The following EPHA6 variants were observed in gnomAD, a reference collection of about 807,000 sequenced individuals.
EPHA6 encodes the protein EPH receptor A6, also known as ephrin type-A receptor 6.
EPHA6 carries 50 observed loss-of-function variants against 112.0 expected under a neutral mutation model. The ratio of observed to expected loss-of-function variants is 0.45; its 90% CI spans 0.36 to 0.56. EPHA6 has a LOEUF of 0.56. Among genes scored for constraint, EPHA6 ranks in the 20% least tolerant of loss-of-function variants. EPHA6 has a pLI of 0.00. For missense variants in EPHA6, 1,280 were observed against 1,417.4 expected (o/e 0.90, Z 1.56); for synonymous variants, 529 against 490.7 (o/e 1.08, Z -1.03).
At chr3:97,653,198 A>T (rs2094118110) in intron 14 of EPHA6, among the ~76,000 whole-genome samples, 1 of 152,052 alleles carries the variant, frequency 6.6e-6, no homozygotes, top group Non-Finnish European at 1.5e-5. Context: ...ATAACAAAGG[A>T]AACAATCAAC....
At chr3:96,871,068 T>G (rs1468827382) in intron 2 of EPHA6, among the ~76,000 whole-genome samples, 1 of 152,056 alleles carries the variant, frequency 6.6e-6, no homozygotes. Context: ...CAAACTGATA[T>G]TTAAATATTT....
At chr3:96,942,610 T>C (rs1323426113) in intron 2 of EPHA6, among the ~76,000 whole-genome samples, 1 of 152,184 alleles carries the variant, frequency 6.6e-6, no homozygotes, top group Non-Finnish European at 1.5e-5. Context: ...CACGGTGCGC[T>C]GCACCCACTG....
Position 97,484,040 on chromosome 3 carries a change from TGA to T in EPHA6, c.2187_2188del (p.Arg729SerfsTer6). ...KEIDPSRIRI[E>X]RVIGAGEFGE... is the part of the protein sequence containing the mutation. ...AGATTGATCCCTCAAGAATTCGTATTGAGAGAGTCATTGGGGCAGGTAAATGT... is the reference window on the plus strand; with the variant it reads ...AGATTGATCCCTCAAGAATTCGTATTGAGAGTCATTGGGGCAGGTAAATGT... On this transcript the variant is annotated frameshift_variant, in exon 10 of 18. Transcript: ENST00000389672. LOFTEE classifies it high-confidence loss of function. 2 of 1,607,022 alleles carry T rather than the reference TGA, an allele frequency of 1.2e-6. No individual in the cohort carries two copies. Among genetic ancestry groups the T allele is most frequent in the Non-Finnish European group, 1.7e-6 (2 of 1,176,968 alleles).
chr3:97,590,852 C>G (rs945522064), intron 11 of EPHA6, among the ~76,000 whole-genome samples: 1 of 152,146 alleles, frequency 6.6e-6, no homozygotes, highest in African/African-American at 2.4e-5. Context: ...TTCAATGATG[C>G]ACCTTCATTA....
At chr3:97,441,319 A>G (rs1283485819) in intron 6 of EPHA6, 4 of 242,956 alleles carry the variant, frequency 1.6e-5, no homozygotes, top group African/African-American at 7.0e-5. Flanking sequence ...CTGCCTAAGT[A>G]TATACTTTAT....
chr3:97,351,513 A>G (rs1386624260), intron 5 of EPHA6, among the ~76,000 whole-genome samples: 2 of 152,224 alleles, frequency 1.3e-5, no homozygotes, highest in Non-Finnish European at 1.5e-5. Context: ...GTTTTATCAT[A>G]TTCAATTTTT....
chr3:97,168,181 ATAAT>A lies in EPHA6; in HGVS notation c.1115-58077_1115-58074del, dbSNP rs575399856. On this transcript the variant is annotated intron_variant, in intron 3 of 17. Coordinates refer to ENST00000389672, the MANE Select transcript of EPHA6 (RefSeq NM_001080448.3). ...TCAATTGTTATAAAGTTATTATAAA[ATAAT>A]TAATTTTTTTACTGTGACTGAAAAT... 2.5e-3 allele frequency among the ~76,000 whole-genome samples: 381 copies of A among 152,286 alleles called. 1 individual carries two copies. The highest frequency in any genetic ancestry group is 8.6e-3 in the African/African-American group (359 of 41,562).
chr3:97,161,187 G>A (rs1156464651), intron 3 of EPHA6, among the ~76,000 whole-genome samples: 6 of 152,194 alleles, frequency 3.9e-5, no homozygotes, highest in African/African-American at 1.4e-4. Context: ...TGCATGGTAA[G>A]TTGGTGGCCT....
intron 3 of EPHA6, among the ~76,000 whole-genome samples, chr3:96,994,711 A>G (rs183295704): frequency 0.014 from 1,097 of 77,298 alleles, 21 homozygotes; most frequent in African/African-American, 0.06. Context: ...GTGTGTGTGT[A>G]TATATATATA....
At chr3:97,282,788 A>G (rs1462127372) in intron 5 of EPHA6, among the ~76,000 whole-genome samples, 1 of 152,210 alleles carries the variant, frequency 6.6e-6, no homozygotes, top group Non-Finnish European at 1.5e-5. Flanking sequence ...CTGAACAATG[A>G]CAACACATGG....
chr3:96,845,425 C>T (rs537501291), intron 1 of EPHA6, among the ~76,000 whole-genome samples: 1 of 152,032 alleles, frequency 6.6e-6, no homozygotes, highest in South Asian at 2.1e-4. Context: ...GCTAGAAATG[C>T]AATAAAGTCC....
At chr3:97,581,756 C>G in intron 11 of EPHA6, among the ~76,000 whole-genome samples, 1 of 152,248 alleles carries the variant, frequency 6.6e-6, no homozygotes, top group African/African-American at 2.4e-5. Flanking sequence ...TCTGGCTCCA[C>G]ACCTGTGCTC....
intron 11 of EPHA6, among the ~76,000 whole-genome samples, chr3:97,560,757 G>C (rs1044774175): frequency 8.6e-5 from 13 of 151,942 alleles, no homozygotes; most frequent in Admixed American, 8.5e-4. Flanking sequence ...ACAAATACAG[G>C]GATACTCATT....
intron 11 of EPHA6, among the ~76,000 whole-genome samples, chr3:97,564,219 A>T (rs201733765): frequency 8.8e-6 from 1 of 114,280 alleles, no homozygotes; most frequent in Admixed American, 1.1e-4. Context: ...TAAAAACATT[A>T]TTTATTATTA....
At chr3:97,335,259 ATC>A (rs371584309) in intron 5 of EPHA6, among the ~76,000 whole-genome samples, 1 of 151,902 alleles carries the variant, frequency 6.6e-6, no homozygotes, top group African/African-American at 2.4e-5. Flanking sequence ...GTCTCTAGAT[ATC>A]TCTCTCTCTC....
intron 3 of EPHA6, among the ~76,000 whole-genome samples, chr3:97,046,036 T>G (rs79152035): frequency 0.024 from 3,652 of 152,208 alleles, 155 homozygotes; most frequent in African/African-American, 0.083. Context: ...AATCTCTATT[T>G]TATGCAAATT....
Position 97,448,561 on chromosome 3 carries a change from C to G in EPHA6, c.1732-7C>G. 6.2e-7 allele frequency: 1 copy of G among 1,608,216 alleles called. No individual in the cohort carries two copies. Among genetic ancestry groups the G allele is most frequent in the Non-Finnish European group, 8.5e-7 (1 of 1,177,894 alleles). On this transcript the variant is annotated splice_polypyrimidine_tract_variant and splice_region_variant and intron_variant, in intron 6 of 17. Coordinates refer to ENST00000389672, the MANE Select transcript of EPHA6 (RefSeq NM_001080448.3). Reference sequence around the variant, plus strand: ...CATTTCCTTTCTCCTTTTTTTCTGTCCCCCAGGAACATGAGCAGCTGACCT... The same window carrying G: ...CATTTCCTTTCTCCTTTTTTTCTGTGCCCCAGGAACATGAGCAGCTGACCT...
At chr3:96,956,663 A>C (rs2041771854) in intron 2 of EPHA6, among the ~76,000 whole-genome samples, 1 of 152,204 alleles carries the variant, frequency 6.6e-6, no homozygotes, top group Non-Finnish European at 1.5e-5. Flanking sequence ...TCAGAAAGGC[A>C]TTAAAATAAA....
At chr3:97,116,823 G>A (rs1205082663) in intron 3 of EPHA6, among the ~76,000 whole-genome samples, 2 of 151,436 alleles carry the variant, frequency 1.3e-5, no homozygotes, top group South Asian at 4.1e-4. Context: ...TTGGACATAC[G>A]GATATTATTT....
Sources: gnomAD v4.1 joint callset for allele counts (sites outside exome capture counted in the v4.1 genomes callset) on GRCh38, gnomAD v4.1.1 for gene constraint, MANE v1.5 for transcripts, NCBI Gene and HGNC (gene_info 2026-07-23, HGNC 2026-07-21) for gene names.